The following EZH1 variants were observed in gnomAD, a reference collection of about 807,000 sequenced individuals.
EZH1 encodes the protein enhancer of zeste 1 polycomb repressive complex 2 subunit.
EZH1 carries 33 observed loss-of-function variants against 100.5 expected under a neutral mutation model. That is an observed-to-expected ratio of 0.33 (90% confidence interval 0.25 to 0.44). The LOEUF (loss-of-function observed/expected upper bound fraction) is 0.44. EZH1 is among the 20% of genes least tolerant of loss of function. EZH1 has a pLI of 1.00. For missense variants in EZH1, 475 were observed against 928.4 expected (o/e 0.51, Z 6.35); for synonymous variants, 272 against 313.8 (o/e 0.87, Z 1.41).
chr17:42,710,573 T>A (rs2053456981), intron 12 of EZH1, among the ~76,000 whole-genome samples: 1 of 151,716 alleles, frequency 6.6e-6, no homozygotes, highest in Non-Finnish European at 1.5e-5. Context: ...GGGAAATAGG[T>A]ATGAGCTCCA....
chr17:42,704,309 C>T (rs766982973), intron 18 of EZH1, among the ~76,000 whole-genome samples: 24 of 152,188 alleles, frequency 1.6e-4, no homozygotes, highest in Admixed American at 1.2e-3. Flanking sequence ...GAGGCCGAGG[C>T]GGGTGGATCA....
At chr17:42,708,790 C>A (rs1168976167) in intron 14 of EZH1, 86 bp downstream of exon 14, 15 of 1,435,294 alleles carry the variant, frequency 1.0e-5, no homozygotes, top group South Asian at 2.3e-5. Context: ...ACAGGGTCAA[C>A]AAGTGCAGCT....
At chr17:42,713,529 G>C (rs2053531355) in intron 10 of EZH1, 140 bp from the exon 11 acceptor site, 1 of 715,300 alleles carries the variant, frequency 1.4e-6, no homozygotes, top group Middle Eastern at 4.4e-4. Flanking sequence ...TAATAAGTAT[G>C]ATCATATAAC....
At chr17:42,714,455 CG>C (rs984869995) in intron 10 of EZH1, 8 of 310,720 alleles carry the variant, frequency 2.6e-5, no homozygotes, top group Non-Finnish European at 3.9e-5. Context: ...CAGCAGACTT[CG>C]GGGGGTTTGT....
At chr17:42,702,619 A>T in intron 20 of EZH1, 27 bp from the exon 21 acceptor site, 1 of 1,553,542 alleles carries the variant, frequency 6.4e-7, no homozygotes. Flanking sequence ...AAGAGGAACC[A>T]GGTTACTCTC....
In EZH1 at chr17:42,732,243, C is replaced by T. The variant is rs186354256; in HGVS notation, c.-102-1325G>A. ...TTGGGAAGTCAAGGCAGGAGGGTTG[C>T]TAAGAGGCCAGGAGTTTGAGATTAG... On this transcript the variant is annotated intron_variant, in intron 1 of 20. Coordinates refer to ENST00000428826, the MANE Select transcript of EZH1 (RefSeq NM_001991.5). 2.6e-3 allele frequency among the ~76,000 whole-genome samples: 403 copies of T among 152,154 alleles called. 2 individuals are homozygous for T. The highest frequency in any genetic ancestry group is 4.1e-3 in the Admixed American group (62 of 15,268).
In EZH1 at chr17:42,700,944, G is replaced by T. The variant is rs1436142786; in HGVS notation, c.*1588C>A. 2.6e-5 allele frequency: 4 copies of T among 152,388 alleles called. No individual in the cohort carries two copies. Among genetic ancestry groups the T allele is most frequent in the Non-Finnish European group, 5.9e-5 (4 of 68,090 alleles). The allele number at this position is 152,388 out of a possible 1,614,324, so 9.4% of individuals were successfully genotyped here. ...TTCTTCCTTCATGGGACAACAAGTG[G>T]AGTGGGAAGAAGCGGGGCTCTGAGT... On this transcript the variant is annotated 3_prime_UTR_variant, in exon 21 of 21. Coordinates refer to ENST00000428826, the MANE Select transcript of EZH1 (RefSeq NM_001991.5).
In EZH1 at chr17:42,701,545, C is replaced by T. The variant is rs2053240381; in HGVS notation, c.*987G>A. 1 of 152,870 alleles carries T rather than the reference C, an allele frequency of 6.5e-6. No homozygotes were observed. Among genetic ancestry groups the T allele is most frequent in the Non-Finnish European group, 1.5e-5 (1 of 68,086 alleles). 9.5% of individuals were successfully genotyped at this position (152,870 alleles called of 1,614,324 possible). On this transcript the variant is annotated 3_prime_UTR_variant, in exon 21 of 21. Coordinates refer to ENST00000428826, the MANE Select transcript of EZH1 (RefSeq NM_001991.5). ...TACACCAATCTTTCTCCTCTCTAGT[C>T]CAAGCCTGTGCCCACCTACCCTGAA...
chr17:42,712,245 C>T lies in EZH1; in HGVS notation c.1401+44G>A, dbSNP rs9893231. 2.0e-3 allele frequency: 3,247 copies of T among 1,588,050 alleles called. 70 individuals carry two copies. In the African/African-American group the frequency reaches 0.039, roughly 19 times the overall value. On this transcript the variant is annotated intron_variant, in intron 12 of 20. Coordinates refer to ENST00000428826, the MANE Select transcript of EZH1 (RefSeq NM_001991.5). ...TGGCAAAGGGCTGGACAGAGCAATG[C>T]GTGAAAGGAGGGGCCCATTTGTTCT...
At chr17:42,705,325 C>A in intron 16 of EZH1, 142 bp from the exon 17 acceptor site, 2 of 547,384 alleles carry the variant, frequency 3.7e-6, no homozygotes, top group East Asian at 3.1e-5. Flanking sequence ...AAGGTCTAAC[C>A]CATTCTTTTC....
intron 19 of EZH1, chr17:42,703,310 G>A (rs2053282731): frequency 9.5e-6 from 3 of 315,540 alleles, no homozygotes; most frequent in South Asian, 8.7e-5. Context: ...GAGTAGCTGG[G>A]ACTACAGGTG....
intron 12 of EZH1, 82 bp downstream of exon 12, chr17:42,712,207 C>A: frequency 2.1e-6 from 3 of 1,430,790 alleles, no homozygotes; most frequent in Non-Finnish European, 2.9e-6. Flanking sequence ...CCCAGACACA[C>A]AGCCTGGTAA....
At chr17:42,737,721 CTTTAT>C (rs949743854) in intron 1 of EZH1, among the ~76,000 whole-genome samples, 1 of 152,110 alleles carries the variant, frequency 6.6e-6, no homozygotes, top group African/African-American at 2.4e-5. Flanking sequence ...ATACGAACCA[CTTTAT>C]TTACTGTCAC....
Position 42,706,101 on chromosome 17 carries a change from T to A in EZH1, c.1745A>T (p.Asp582Val). The change falls in exon 16 of 21, where the codon GAC (aspartate) becomes GTC (valine). Residue 582 changes from aspartate to valine, a missense_variant. By Grantham distance (152) the Asp-to-Val change is radical. Coordinates refer to ENST00000428826, the MANE Select transcript of EZH1 (RefSeq NM_001991.5). The surrounding 1 kb of genome is among the most constrained non-coding windows in gnomAD (Gnocchi z 4.4). ...CPCYLAVREC[D>V]PDLCLTCGAS... Reference sequence around the variant, plus strand: ...CCCACAGGTGAGACACAGGTCAGGGTCACATTCTCGCACTGCCAGATAGCA... The same window carrying A: ...CCCACAGGTGAGACACAGGTCAGGGACACATTCTCGCACTGCCAGATAGCA... 1 of 1,614,030 alleles carries A rather than the reference T, an allele frequency of 6.2e-7. No individual in the cohort carries two copies. The highest frequency in any genetic ancestry group is 8.5e-7 in the Non-Finnish European group (1 of 1,180,000).
At chr17:42,723,813 A>G (rs1485907909) in intron 5 of EZH1, among the ~76,000 whole-genome samples, 1 of 152,228 alleles carries the variant, frequency 6.6e-6, no homozygotes, top group Non-Finnish European at 1.5e-5. Context: ...GTATTTAGAG[A>G]GGAATGATTA....
At chr17:42,709,633 AC>A in intron 13 of EZH1, 1 of 518,662 alleles carries the variant, frequency 1.9e-6, no homozygotes, top group Non-Finnish European at 3.4e-6. Flanking sequence ...GTTATGGTCC[AC>A]AGCACTGGGG....
intron 1 of EZH1, 63 bp from the exon 2 acceptor site, chr17:42,730,981 C>A: frequency 1.4e-6 from 1 of 716,010 alleles, no homozygotes; most frequent in Non-Finnish European, 1.7e-6. Context: ...ACCCTGACAC[C>A]CTCAGTAGGA....
chr17:42,731,815 A>T (rs577666445), intron 1 of EZH1: 1 of 152,132 alleles, frequency 6.6e-6, no homozygotes, highest in African/African-American at 2.4e-5. Context: ...CAGGAGAATC[A>T]TGTGAACCCG....
At chr17:42,735,045 G>C (rs901683932) in intron 1 of EZH1, among the ~76,000 whole-genome samples, 2 of 147,270 alleles carry the variant, frequency 1.4e-5, no homozygotes, top group Non-Finnish European at 3.0e-5. Context: ...AGGAGGGCGG[G>C]AGGGAGGGAA....
Sources: allele counts gnomAD v4.1 joint callset (sites outside exome capture counted in the v4.1 genomes callset), GRCh38; gene constraint gnomAD v4.1.1; non-coding constraint Gnocchi (gnomAD v3.1); transcripts MANE v1.5; gene names NCBI Gene and HGNC (gene_info 2026-07-23, HGNC 2026-07-21).